The following NTM variants were observed in gnomAD, a reference collection of about 807,000 sequenced individuals.
NTM encodes the protein neurotrimin.
In NTM, 13 loss-of-function variants were observed where a neutral mutation model predicts 42.1. The ratio of observed to expected loss-of-function variants is 0.31; its 90% CI spans 0.20 to 0.49. The LOEUF is 0.49. NTM is among the 20% of genes least tolerant of loss of function. The pLI is 0.99. For synonymous variants in NTM, 187 were observed against 179.2 expected (o/e 1.04, Z -0.35); for missense variants, 373 against 452.8 (o/e 0.82, Z 1.60).
rs562179420 is a variant in NTM, at chr11:131,920,535, T to C, written c.167+8887T>C. On this transcript the variant is annotated intron_variant, in intron 2 of 8. Coordinates refer to ENST00000683400, the MANE Select transcript of NTM (RefSeq NM_001352005.2). The stretch of plus-strand genomic sequence containing the variant: ...CAAAGGGCTTAAATTAGTTTAAATG[T>C]AGTGAACTATGAATAGCCGTCTTGA... Among the ~76,000 whole-genome samples, 23 of 152,354 alleles carry C rather than the reference T, an allele frequency of 1.5e-4. No homozygotes were observed. The South Asian group carries it at 4.6e-3, about 30-fold the overall frequency.
At chr11:131,758,561 TTTCC>T (rs886458611) in intron 1 of NTM, among the ~76,000 whole-genome samples, 21 of 151,990 alleles carry the variant, frequency 1.4e-4, no homozygotes, top group African/African-American at 3.4e-4. Flanking sequence ...TTCTTCTTTC[TTTCC>T]TTCCTTCCTT....
chr11:132,146,103 G>A lies in NTM; in HGVS notation c.168-179G>A, dbSNP rs945628233. On this transcript the variant is annotated intron_variant, in intron 2 of 8. Coordinates refer to ENST00000683400, the MANE Select transcript of NTM (RefSeq NM_001352005.2). The surrounding 1 kb of genome is among the most constrained non-coding windows in gnomAD (Gnocchi z 4.5). The stretch of plus-strand genomic sequence containing the variant: ...AAGCTCCGAGCAACATTCTGAGGCT[G>A]TAATCCCATAAGACCTTTGCTGTGT... The A allele has an allele frequency of 1.1e-5, 5 of 452,156 alleles. No individual in the cohort carries two copies. Among genetic ancestry groups the A allele is most frequent in the African/African-American group, 4.3e-5 (2 of 46,790 alleles). 28.0% of individuals were successfully genotyped at this position (452,156 alleles called of 1,614,324 possible).
At chr11:131,562,185 C>T (rs1227151900) in intron 1 of NTM, among the ~76,000 whole-genome samples, 1 of 152,006 alleles carries the variant, frequency 6.6e-6, no homozygotes, top group East Asian at 1.9e-4. Flanking sequence ...AGCCCTGTCA[C>T]GCTGACTTAT....
chr11:131,574,573 T>TGC (rs1275075224), intron 1 of NTM, among the ~76,000 whole-genome samples: 3 of 147,480 alleles, frequency 2.0e-5, no homozygotes, highest in African/African-American at 7.7e-5. Flanking sequence ...TGTGTGTGTG[T>TGC]GTGTGTGTGT....
rs1012994943 is a variant in NTM at position 131,665,875 on chromosome 11, C to A, written c.83-245689C>A. On this transcript the variant is annotated intron_variant, in intron 1 of 8. Transcript: ENST00000683400. ...CCATGTTGATCCCCAGTTTCCTTAT[C>A]TGTACAATGGGTATGATATATATCT... 3.3e-5 allele frequency among the ~76,000 whole-genome samples: 5 copies of A among 152,208 alleles called. No individual in the cohort carries two copies. In the East Asian group the frequency reaches 5.8e-4, roughly 18 times the overall value.
intron 1 of NTM, among the ~76,000 whole-genome samples, chr11:131,625,364 A>G (rs1455009795): frequency 6.6e-6 from 1 of 152,190 alleles, no homozygotes; most frequent in African/African-American, 2.4e-5. Context: ...TGGCAGAGGA[A>G]GGAACAGGTG....
At position 132,296,805 on chromosome 11, in the gene NTM, C is replaced by T. The variant is rs2094627882; in HGVS notation, c.527-10884C>T. 2.0e-5 allele frequency among the ~76,000 whole-genome samples: 3 copies of T among 152,182 alleles called. No homozygotes were observed. In the South Asian group the frequency reaches 6.2e-4, roughly 31 times the overall value. On this transcript the variant is annotated intron_variant, in intron 4 of 8. Coordinates refer to ENST00000683400, the MANE Select transcript of NTM (RefSeq NM_001352005.2). ...AGATTTCATGTAGGTGAAAATTCCACCTGGCAGTGGAATGCTAAGAACAGA... is the reference window on the plus strand; with the variant it reads ...AGATTTCATGTAGGTGAAAATTCCATCTGGCAGTGGAATGCTAAGAACAGA...
intron 2 of NTM, among the ~76,000 whole-genome samples, chr11:131,935,094 G>A (rs2059068743): frequency 6.6e-6 from 1 of 152,172 alleles, no homozygotes; most frequent in African/African-American, 2.4e-5. Context: ...GTCACAGATA[G>A]GTTTGCTGGT....
At position 131,632,823 on chromosome 11, in the gene NTM, T is replaced by C. The variant is rs369514865; in HGVS notation, c.82+261935T>C. 7.2e-4 allele frequency among the ~76,000 whole-genome samples: 108 copies of C among 151,042 alleles called. 1 individual carries two copies. The East Asian group carries it at 0.019, about 26-fold the overall frequency. On this transcript the variant is annotated intron_variant, in intron 1 of 8. Coordinates refer to ENST00000683400, the MANE Select transcript of NTM (RefSeq NM_001352005.2). The stretch of plus-strand genomic sequence containing the variant: ...CCGTGTAGCTGGGACTACAGGCACG[T>C]GCCACCATGCCCGGCTAATTTTTGT...
At chr11:131,526,322 T>A (rs1418244737) in intron 1 of NTM, among the ~76,000 whole-genome samples, 2 of 152,148 alleles carry the variant, frequency 1.3e-5, no homozygotes, top group African/African-American at 2.4e-5. Context: ...GATGGCTGAT[T>A]GGGCAGGTGT....
chr11:131,523,779 T>A (rs1591929296), intron 1 of NTM, among the ~76,000 whole-genome samples: 2 of 65,926 alleles, frequency 3.0e-5, no homozygotes, highest in African/African-American at 8.4e-5. Flanking sequence ...CGAGACTCCA[T>A]CTCAAAAAAA....
intron 4 of NTM, among the ~76,000 whole-genome samples, chr11:132,257,332 A>G (rs1399344199): frequency 1.3e-5 from 2 of 152,224 alleles, no homozygotes; most frequent in Non-Finnish European, 2.9e-5. Context: ...CTTTGACACT[A>G]TCCTGAAGCA....
chr11:131,762,417 T>A (rs1466251083), intron 1 of NTM, among the ~76,000 whole-genome samples: 1 of 152,188 alleles, frequency 6.6e-6, no homozygotes, highest in Non-Finnish European at 1.5e-5. Context: ...GACAGAGGGT[T>A]TGAGTTCTAC....
intron 3 of NTM, among the ~76,000 whole-genome samples, chr11:132,181,821 C>G (rs2077616453): frequency 6.6e-6 from 1 of 152,044 alleles, no homozygotes. Flanking sequence ...GCATTTTTAA[C>G]TATGTATGCA....
intron 4 of NTM, among the ~76,000 whole-genome samples, chr11:132,245,039 C>T (rs1295850953): frequency 1.3e-5 from 2 of 152,182 alleles, no homozygotes; most frequent in African/African-American, 2.4e-5. Flanking sequence ...GTTGAATGTG[C>T]GTCCAATTCG....
chr11:131,543,572 C>G (rs1042176180), intron 1 of NTM, among the ~76,000 whole-genome samples: 6 of 152,188 alleles, frequency 3.9e-5, no homozygotes, highest in African/African-American at 1.4e-4. Context: ...GATCAAAGAC[C>G]TTGGGGGTTT....
intron 2 of NTM, among the ~76,000 whole-genome samples, chr11:131,932,043 A>G (rs185541538): frequency 1.2e-4 from 19 of 152,330 alleles, no homozygotes; most frequent in African/African-American, 4.1e-4. Context: ...GAAGACTGAT[A>G]AGCGTGTCTC....
At chr11:131,857,407 C>T (rs746900351) in intron 1 of NTM, among the ~76,000 whole-genome samples, 41 of 152,178 alleles carry the variant, frequency 2.7e-4, no homozygotes, top group Non-Finnish European at 4.1e-4. Flanking sequence ...ATCTCAGTTC[C>T]AGACATCTCT....
chr11:132,061,775 G>C (rs2080715198), intron 2 of NTM, among the ~76,000 whole-genome samples: 1 of 152,146 alleles, frequency 6.6e-6, no homozygotes, highest in Non-Finnish European at 1.5e-5. Context: ...TTCTGTATTT[G>C]TGTGGCAGGA....
Sources: allele counts gnomAD v4.1 joint callset (sites outside exome capture counted in the v4.1 genomes callset), GRCh38; gene constraint gnomAD v4.1.1; non-coding constraint Gnocchi (gnomAD v3.1); transcripts MANE v1.5; gene names NCBI Gene and HGNC (gene_info 2026-07-23, HGNC 2026-07-21).